Variants in UBE2G1 observed in about 807,000 individuals in gnomAD.
The protein encoded by UBE2G1 is ubiquitin conjugating enzyme E2 G1, also known as ubiquitin-conjugating enzyme E2 G1.
In UBE2G1, 5 loss-of-function variants were observed where a neutral mutation model predicts 22.7. The observed-to-expected ratio is 0.22, with a 90% CI of 0.12 to 0.46. The LOEUF (loss-of-function observed/expected upper bound fraction) is 0.46. Among genes scored for constraint, UBE2G1 ranks in the 20% least tolerant of loss-of-function variants. The pLI, the probability that UBE2G1 is intolerant of heterozygous loss-of-function variation, is 0.99. For synonymous variants in UBE2G1, 74 were observed against 67.5 expected (o/e 1.10, Z -0.47); for missense variants, 88 against 203.9 (o/e 0.43, Z 3.46).
chr17:4,302,376 G>A, intron 2 of UBE2G1: 1 of 486,600 alleles, frequency 2.1e-6, no homozygotes. Context: ...TTGGGTTGCT[G>A]TGTCTTCTGG....
intron 5 of UBE2G1, among the ~76,000 whole-genome samples, chr17:4,280,986 A>G (rs1349382247): frequency 6.6e-6 from 1 of 152,194 alleles, no homozygotes; most frequent in Non-Finnish European, 1.5e-5. Flanking sequence ...GGAACACTTT[A>G]GAAAACAATT....
chr17:4,322,828 T>TA (rs1159594292), intron 1 of UBE2G1, among the ~76,000 whole-genome samples: 3 of 152,092 alleles, frequency 2.0e-5, no homozygotes, highest in African/African-American at 7.2e-5. Context: ...GTTACGGTAA[T>TA]ACTTCATACA....
At chr17:4,302,986 C>T (rs1567518778) in intron 2 of UBE2G1, among the ~76,000 whole-genome samples, 1 of 151,832 alleles carries the variant, frequency 6.6e-6, no homozygotes, top group East Asian at 1.9e-4. Flanking sequence ...ACAGTGAAAA[C>T]AGAAAAACAC....
intron 3 of UBE2G1, among the ~76,000 whole-genome samples, 187 bp downstream of exon 3, chr17:4,296,521 TGGGATTACA>T (rs1458839162): frequency 6.6e-6 from 1 of 152,288 alleles, no homozygotes; most frequent in African/African-American, 2.4e-5. Flanking sequence ...CCTGGCCTGC[TGGGATTACA>T]GGTGTGAGCC....
At chr17:4,365,526 T>C (rs1271695189) in intron 1 of UBE2G1, among the ~76,000 whole-genome samples, 1 of 152,096 alleles carries the variant, frequency 6.6e-6, no homozygotes, top group Non-Finnish European at 1.5e-5. Flanking sequence ...GCTCCGGGGT[T>C]TGCAGGCCTG....
chr17:4,334,474 G>T (rs991145927), intron 1 of UBE2G1, among the ~76,000 whole-genome samples: 1 of 152,136 alleles, frequency 6.6e-6, no homozygotes, highest in African/African-American at 2.4e-5. Context: ...TTCTTAGAGA[G>T]TAAATTTTAA....
chr17:4,348,973 G>C (rs1321418816), intron 1 of UBE2G1, among the ~76,000 whole-genome samples: 1 of 152,084 alleles, frequency 6.6e-6, no homozygotes, highest in Non-Finnish European at 1.5e-5. Flanking sequence ...CAGATCACGA[G>C]GTCAAGAGTT....
chr17:4,347,883 A>G (rs1484903050), intron 1 of UBE2G1, among the ~76,000 whole-genome samples: 2 of 152,212 alleles, frequency 1.3e-5, no homozygotes, highest in African/African-American at 4.8e-5. Context: ...CATATGAGAA[A>G]GCAAGCTTAA....
chr17:4,329,207 T>G (rs1436291399), intron 1 of UBE2G1, among the ~76,000 whole-genome samples: 1 of 150,256 alleles, frequency 6.7e-6, no homozygotes, highest in Non-Finnish European at 1.5e-5. Context: ...AAGACCAGCC[T>G]GGGCAACATG....
At chr17:4,282,565 C>T (rs1968907358) in intron 5 of UBE2G1, among the ~76,000 whole-genome samples, 1 of 152,120 alleles carries the variant, frequency 6.6e-6, no homozygotes, top group South Asian at 2.1e-4. Context: ...TGAAAAGAAA[C>T]AGACCAGCAT....
intron 2 of UBE2G1, chr17:4,302,621 T>C: frequency 2.7e-6 from 1 of 367,068 alleles, no homozygotes; most frequent in East Asian, 6.6e-5. Flanking sequence ...CTTACTCTAT[T>C]TTGTGAATCA....
intron 1 of UBE2G1, among the ~76,000 whole-genome samples, chr17:4,358,321 G>A (rs1377238887): frequency 1.3e-5 from 2 of 152,002 alleles, no homozygotes; most frequent in Non-Finnish European, 2.9e-5. Context: ...GGAGTGTAGC[G>A]GTGGTGAAGT....
Position 4,343,437 on chromosome 17 carries a change from G to A in UBE2G1, c.46+22834C>T, listed in dbSNP as rs2143801554. The stretch of plus-strand genomic sequence containing the variant: ...AAGAATTGCTTTAACCCAGGAGGCG[G>A]AGGTTGCAGTGAGCCAAAATCATGA... On this transcript the variant is annotated intron_variant, in intron 1 of 5. Coordinates refer to ENST00000396981, the MANE Select transcript of UBE2G1 (RefSeq NM_003342.5). Among the ~76,000 whole-genome samples the A allele has an allele frequency of 2.0e-5, 3 of 152,154 alleles. No homozygotes were observed. In the South Asian group the frequency reaches 6.2e-4, roughly 32 times the overall value.
intron 4 of UBE2G1, among the ~76,000 whole-genome samples, chr17:4,285,279 G>A (rs1446511050): frequency 6.6e-6 from 1 of 151,606 alleles, no homozygotes; most frequent in African/African-American, 2.4e-5. Context: ...AAGAACCTAA[G>A]TACAATGGGG....
intron 1 of UBE2G1, among the ~76,000 whole-genome samples, chr17:4,323,430 T>A (rs930577943): frequency 1.3e-5 from 2 of 152,210 alleles, no homozygotes; most frequent in African/African-American, 4.8e-5. Context: ...AGGAAGAACC[T>A]AAGAAGGCAT....
At chr17:4,326,500 G>A (rs1261390217) in intron 1 of UBE2G1, among the ~76,000 whole-genome samples, 1 of 152,184 alleles carries the variant, frequency 6.6e-6, no homozygotes, top group African/African-American at 2.4e-5. Flanking sequence ...GTAAGAGGAT[G>A]CAACCATTGT....
At chr17:4,280,009 C>G (rs1968867438) in intron 5 of UBE2G1, among the ~76,000 whole-genome samples, 1 of 151,534 alleles carries the variant, frequency 6.6e-6, no homozygotes, top group Admixed American at 6.6e-5. Flanking sequence ...CATATTAAGT[C>G]CACAATATCC....
chr17:4,325,913 T>C (rs1018497765), intron 1 of UBE2G1, among the ~76,000 whole-genome samples: 1 of 152,128 alleles, frequency 6.6e-6, no homozygotes, highest in African/African-American at 2.4e-5. Context: ...TGGGTATCCA[T>C]AAGCAAAAGA....
chr17:4,281,210 C>T (rs917388570), intron 5 of UBE2G1, among the ~76,000 whole-genome samples: 6 of 152,134 alleles, frequency 3.9e-5, no homozygotes, highest in Non-Finnish European at 8.8e-5. Flanking sequence ...AGTGTAATAG[C>T]ACACAGGTGA....
Sources: gnomAD v4.1 joint callset for allele counts (sites outside exome capture counted in the v4.1 genomes callset) on GRCh38, gnomAD v4.1.1 for gene constraint, MANE v1.5 for transcripts, NCBI Gene and HGNC (gene_info 2026-07-23, HGNC 2026-07-21) for gene names.